The following COPB2 variants were observed in gnomAD, a reference collection of about 807,000 sequenced individuals.
COPB2 encodes coat protein complex I subunit beta 2.
COPB2 carries 16 observed loss-of-function variants against 120.8 expected under a neutral mutation model. That is an observed-to-expected ratio of 0.13 (90% confidence interval 0.09 to 0.20). The LOEUF is 0.20. Among genes scored for constraint, COPB2 ranks in the 10% least tolerant of loss-of-function variants. The probability of loss-of-function intolerance (pLI) is 1.00; values close to 1 mark genes in which losing one functional copy is unlikely to be tolerated. For synonymous variants in COPB2, 332 were observed against 366.3 expected, an observed-to-expected ratio of 0.91 and a Z score of 1.07; for missense variants, 794 against 1,076.5, an observed-to-expected ratio of 0.74 and a Z score of 3.67.
intron 1 of COPB2, among the ~76,000 whole-genome samples, chr3:139,389,133 A>T (rs1941997829): frequency 6.6e-6 from 1 of 152,202 alleles, no homozygotes; most frequent in African/African-American, 2.4e-5. Flanking sequence ...TATAGTTTGT[A>T]GCCAGCACAC....
intron 2 of COPB2, chr3:139,379,727 T>C (rs559876221): frequency 1.4e-4 from 50 of 361,278 alleles, no homozygotes; most frequent in Non-Finnish European, 2.5e-4. Flanking sequence ...GCTCCAGCCC[T>C]TCCCTCCCTT....
In COPB2 at chr3:139,371,789, G is replaced by A; in HGVS notation, c.1139C>T (p.Ala380Val). The A allele has an allele frequency of 6.2e-7, 1 of 1,613,962 alleles. No individual in the cohort carries two copies. The highest frequency in any genetic ancestry group is 8.5e-7 in the Non-Finnish European group (1 of 1,179,912). Residue 380 changes from alanine (A) to valine (V), a missense_variant, in exon 10 of 22, where the codon GCA (alanine) becomes GTA (valine). Ala to Val is a moderately conservative substitution (Grantham distance 64, BLOSUM62 0). Transcript: ENST00000333188. The stretch of plus-strand genomic sequence containing the variant: ...AAAGCTCTTGTTTCTCAATGCCATT[G>A]CTGTGTAGATGATATACTCCCCATC... The part of the protein sequence containing the change: ...CGDGEYIIYT[A>V]MALRNKSFGS...
Position 139,357,807 on chromosome 3 carries a change from T to G in COPB2, c.*56A>C, listed in dbSNP as rs910382954. 2 of 940,588 alleles carry G rather than the reference T, an allele frequency of 2.1e-6. No homozygotes were observed. The highest frequency in any genetic ancestry group is 3.2e-6 in the Non-Finnish European group (2 of 623,012). The allele number at this position is 940,588 out of a possible 1,614,324, so 58.3% of individuals were successfully genotyped here. ...CAAAGCACTGTGGTCAGGGTAGCAA[T>G]CAATACCTATATATAATAATGATCT... On this transcript the variant is annotated 3_prime_UTR_variant, in exon 22 of 22. Transcript: ENST00000333188.
chr3:139,372,115 T>C (rs1271111410), intron 9 of COPB2, among the ~76,000 whole-genome samples: 1 of 152,080 alleles, frequency 6.6e-6, no homozygotes, highest in African/African-American at 2.4e-5. Flanking sequence ...GGCAGGAAGG[T>C]GAGAATGGCT....
intron 15 of COPB2, among the ~76,000 whole-genome samples, chr3:139,365,489 C>T (rs1230083902): frequency 6.6e-6 from 1 of 152,174 alleles, no homozygotes; most frequent in Non-Finnish European, 1.5e-5. Flanking sequence ...CATTAACAAT[C>T]CTTTTCTCAG....
intron 21 of COPB2, 77 bp downstream of exon 21, chr3:139,358,123 G>C: frequency 1.5e-6 from 2 of 1,329,798 alleles, no homozygotes; most frequent in East Asian, 4.6e-5. Context: ...TTAAACCACA[G>C]AGGCCTACGT....
At chr3:139,379,328 AATC>A in intron 3 of COPB2, 49 bp downstream of exon 3, 1 of 1,583,980 alleles carries the variant, frequency 6.3e-7, no homozygotes, top group Non-Finnish European at 8.7e-7. Flanking sequence ...AAATTTACAC[AATC>A]ATTGACCAAT....
chr3:139,383,518 G>T, intron 1 of COPB2, 83 bp from the exon 2 acceptor site: 1 of 1,261,146 alleles, frequency 7.9e-7, no homozygotes, highest in Non-Finnish European at 1.1e-6. Context: ...GCATGAATAG[G>T]CCTACAAAAC....
At chr3:139,388,829 G>A (rs1262326631) in intron 1 of COPB2, among the ~76,000 whole-genome samples, 2 of 150,996 alleles carry the variant, frequency 1.3e-5, no homozygotes, top group East Asian at 3.9e-4. Flanking sequence ...AATAGAGACG[G>A]AAGATATTCT....
intron 16 of COPB2, among the ~76,000 whole-genome samples, chr3:139,361,831 C>G (rs534832112): frequency 2.4e-4 from 36 of 152,286 alleles, no homozygotes; most frequent in Non-Finnish European, 4.6e-4. Context: ...ATACAAAGAT[C>G]TATAAAAATA....
At chr3:139,385,314 G>A (rs1232051431) in intron 1 of COPB2, 2 of 152,280 alleles carry the variant, frequency 1.3e-5, no homozygotes, top group Non-Finnish European at 2.9e-5. Flanking sequence ...TAGGATTACA[G>A]GCGTGAACCC....
intron 1 of COPB2, among the ~76,000 whole-genome samples, chr3:139,385,696 C>G (rs917806707): frequency 7.2e-5 from 11 of 152,216 alleles, no homozygotes. Context: ...CTAGCATTTT[C>G]AAGCCAAATT....
intron 15 of COPB2, 90 bp from the exon 16 acceptor site, chr3:139,362,607 G>T: frequency 3.4e-6 from 2 of 585,358 alleles, no homozygotes; most frequent in African/African-American, 2.0e-5. Context: ...CATATACAGT[G>T]TACACACATT....
At chr3:139,360,517 CAAA>C (rs11439096) in intron 17 of COPB2, among the ~76,000 whole-genome samples, 4 of 88,394 alleles carry the variant, frequency 4.5e-5, no homozygotes, top group African/African-American at 5.0e-5. Flanking sequence ...GATTCCATCT[CAAA>C]AAAAAAAAAA....
chr3:139,358,380 T>A, intron 20 of COPB2, 109 bp from the exon 21 acceptor site: 1 of 1,000,314 alleles, frequency 1.0e-6, no homozygotes, highest in Non-Finnish European at 1.5e-6. Flanking sequence ...AGATGATGTT[T>A]AAAAGTGAAC....
chr3:139,361,010 T>G (rs1941409440), intron 17 of COPB2, 71 bp downstream of exon 17: 1 of 1,526,698 alleles, frequency 6.6e-7, no homozygotes, highest in Non-Finnish European at 9.0e-7. Flanking sequence ...TCTCCAGGGT[T>G]CATTCTTCAC....
chr3:139,373,888 A>G, intron 7 of COPB2, 80 bp from the exon 8 acceptor site: 5 of 1,534,344 alleles, frequency 3.3e-6, no homozygotes, highest in Non-Finnish European at 4.4e-6. Context: ...GACCCATAGA[A>G]GTCTTTCTAT....
chr3:139,373,858 A>C (rs747733550), intron 7 of COPB2, 50 bp from the exon 8 acceptor site: 5 of 1,606,066 alleles, frequency 3.1e-6, no homozygotes, highest in Non-Finnish European at 4.3e-6. Flanking sequence ...ATCCGACAAT[A>C]AACTGTGTCA....
At chr3:139,376,951 G>A (rs998805166) in intron 5 of COPB2, among the ~76,000 whole-genome samples, 2 of 151,996 alleles carry the variant, frequency 1.3e-5, no homozygotes, top group African/African-American at 2.4e-5. Flanking sequence ...GGGTTTCACC[G>A]TGTTAGCCAG....
Sources: allele counts gnomAD v4.1 joint callset (sites outside exome capture counted in the v4.1 genomes callset), GRCh38; gene constraint gnomAD v4.1.1; transcripts MANE v1.5; gene names NCBI Gene and HGNC (gene_info 2026-07-23, HGNC 2026-07-21).